Variants in SIL1 observed in about 807,000 individuals in gnomAD.
The protein encoded by SIL1 is nucleotide exchange factor SIL1.
In SIL1, 40 loss-of-function variants were observed where a neutral mutation model predicts 49.1. The ratio of observed to expected loss-of-function variants is 0.81; its 90% confidence interval spans 0.63 to 1.06. SIL1 has a LOEUF of 1.06. SIL1 is among the 50% of genes least tolerant of loss of function. The pLI, the probability that SIL1 is intolerant of heterozygous loss-of-function variation, is 0.00. For missense variants in SIL1, 500 were observed against 572.6 expected (o/e 0.87, Z 1.29); for synonymous variants, 253 against 250.8 (o/e 1.01, Z -0.08).
chr5:139,055,156 C>A (rs1375019203), intron 3 of SIL1, among the ~76,000 whole-genome samples: 1 of 152,134 alleles, frequency 6.6e-6, no homozygotes, highest in Admixed American at 6.5e-5. Context: ...GTTTTCCCAC[C>A]TCCAGCTCCT....
At chr5:139,056,364 C>T (rs1438680339) in intron 3 of SIL1, among the ~76,000 whole-genome samples, 2 of 151,328 alleles carry the variant, frequency 1.3e-5, no homozygotes, top group Admixed American at 6.6e-5. Context: ...CCGGCCAACC[C>T]GTCTGAGAAG....
chr5:139,056,698 G>C (rs980062378), intron 3 of SIL1, among the ~76,000 whole-genome samples: 1 of 150,028 alleles, frequency 6.7e-6, no homozygotes, highest in African/African-American at 2.5e-5. Flanking sequence ...GGAGGTGGGG[G>C]CGTCAGCCCC....
rs890802616 is a variant in SIL1, at chr5:138,946,935, C to G, written c.*182G>C. 28 of 634,396 alleles carry G rather than the reference C, an allele frequency of 4.4e-5. No homozygotes were observed. In the African/African-American group the frequency reaches 4.7e-4, roughly 11 times the overall value. The allele number at this position is 634,396 out of a possible 1,614,324, so 39.3% of individuals were successfully genotyped here. ...GCCCATCACCCAACCACTCACCTGA[C>G]CCCCCGGCCACAGGGCTGTGCCCAG... is the stretch of plus-strand genomic sequence containing the variant. On this transcript the variant is annotated 3_prime_UTR_variant, in exon 10 of 10. Coordinates refer to ENST00000394817, the MANE Select transcript of SIL1 (RefSeq NM_022464.5).
At chr5:138,960,994 T>C (rs1047217806) in intron 7 of SIL1, among the ~76,000 whole-genome samples, 5 of 152,182 alleles carry the variant, frequency 3.3e-5, no homozygotes, top group African/African-American at 4.8e-5. Flanking sequence ...TGTCTCCACT[T>C]TCAATAATTC....
chr5:139,049,806 A>T (rs1337650386), intron 4 of SIL1, among the ~76,000 whole-genome samples: 1 of 152,052 alleles, frequency 6.6e-6, no homozygotes, highest in Non-Finnish European at 1.5e-5. Flanking sequence ...AAAAAAAAAA[A>T]AAAAAATCAT....
At chr5:139,132,330 G>A (rs1330291158) in intron 1 of SIL1, among the ~76,000 whole-genome samples, 2 of 152,102 alleles carry the variant, frequency 1.3e-5, no homozygotes, top group Non-Finnish European at 2.9e-5. Context: ...CTCCCACAGG[G>A]CTCCCAGCCA....
At chr5:139,110,168 C>T (rs1288976284) in intron 3 of SIL1, among the ~76,000 whole-genome samples, 2 of 137,602 alleles carry the variant, frequency 1.5e-5, no homozygotes, top group Non-Finnish European at 3.1e-5. Flanking sequence ...GACTCTGTCT[C>T]GAAAAAAAAA....
intron 3 of SIL1, among the ~76,000 whole-genome samples, chr5:139,102,200 C>T (rs1471867448): frequency 6.6e-6 from 1 of 152,126 alleles, no homozygotes; most frequent in Non-Finnish European, 1.5e-5. Context: ...AAGAACAGCA[C>T]CTGGAAAATG....
chr5:138,996,505 C>T (rs1419313401), intron 7 of SIL1, among the ~76,000 whole-genome samples: 8 of 144,354 alleles, frequency 5.5e-5, no homozygotes, highest in African/African-American at 2.1e-4. Context: ...GTTTTCTTTG[C>T]TGTGCAGATT....
intron 1 of SIL1, among the ~76,000 whole-genome samples, chr5:139,178,671 GA>G (rs1481347656): frequency 6.6e-6 from 1 of 151,976 alleles, no homozygotes; most frequent in African/African-American, 2.4e-5. Context: ...CTTCCTCAAA[GA>G]AGCCTTCTAT....
intron 1 of SIL1, among the ~76,000 whole-genome samples, chr5:139,142,282 A>C (rs1751095365): frequency 6.6e-6 from 1 of 152,226 alleles, no homozygotes; most frequent in South Asian, 2.1e-4. Flanking sequence ...AACACTTCCT[A>C]ATTCATTCTA....
intron 3 of SIL1, among the ~76,000 whole-genome samples, chr5:139,052,284 C>T (rs547181305): frequency 5.9e-5 from 9 of 152,280 alleles, no homozygotes; most frequent in African/African-American, 1.9e-4. Context: ...CTGTTCCTGC[C>T]GTCCCACTTC....
chr5:139,171,258 A>AG (rs1751762129), intron 1 of SIL1, among the ~76,000 whole-genome samples: 1 of 152,172 alleles, frequency 6.6e-6, no homozygotes, highest in Non-Finnish European at 1.5e-5. Context: ...TGGAATAGAA[A>AG]GGGGGGAAAG....
intron 1 of SIL1, among the ~76,000 whole-genome samples, chr5:139,175,151 G>T (rs113013599): frequency 6.6e-6 from 1 of 151,866 alleles, no homozygotes; most frequent in African/African-American, 2.4e-5. Flanking sequence ...GCAAAACCCC[G>T]TCTCTACTAA....
chr5:139,036,857 A>G (rs1235513253), intron 5 of SIL1, among the ~76,000 whole-genome samples: 1 of 152,236 alleles, frequency 6.6e-6, no homozygotes, highest in African/African-American at 2.4e-5. Flanking sequence ...GTTAAAAATT[A>G]GAAAATAAAT....
chr5:139,160,695 T>C (rs1297354302), intron 1 of SIL1, among the ~76,000 whole-genome samples: 1 of 151,956 alleles, frequency 6.6e-6, no homozygotes, highest in Non-Finnish European at 1.5e-5. Flanking sequence ...CTGGGTGTGG[T>C]GGCACACACC....
intron 3 of SIL1, among the ~76,000 whole-genome samples, chr5:139,106,591 T>C (rs1043210209): frequency 2.0e-5 from 3 of 152,160 alleles, no homozygotes; most frequent in African/African-American, 7.2e-5. Flanking sequence ...CTTCTGAGGG[T>C]AAATGCTTGT....
At chr5:139,173,813 G>C (rs1229564594) in intron 1 of SIL1, among the ~76,000 whole-genome samples, 2 of 120,428 alleles carry the variant, frequency 1.7e-5, no homozygotes, top group Admixed American at 8.1e-5. Context: ...AAAAAAATTA[G>C]CCGGGCGTGG....
intron 3 of SIL1, among the ~76,000 whole-genome samples, chr5:139,105,660 C>A (rs1044745854): frequency 4.6e-5 from 7 of 152,212 alleles, no homozygotes; most frequent in African/African-American, 1.7e-4. Flanking sequence ...CATTCCCTCC[C>A]GGCGGCCTGC....
Sources: allele counts gnomAD v4.1 joint callset (sites outside exome capture counted in the v4.1 genomes callset), GRCh38; gene constraint gnomAD v4.1.1; transcripts MANE v1.5; gene names NCBI Gene and HGNC (gene_info 2026-07-23, HGNC 2026-07-21).